Variants in RARB observed in about 807,000 individuals in gnomAD.
RARB encodes the protein HBV-activated protein.
A neutral mutation model predicts 51.9 loss-of-function variants in RARB; 17 were observed. The ratio of observed to expected loss-of-function variants is 0.33; its 90% CI spans 0.22 to 0.49. RARB has a LOEUF of 0.49. RARB is among the 20% of genes least tolerant of loss of function. The probability of loss-of-function intolerance (pLI) is 0.99; values close to 1 mark genes in which losing one functional copy is unlikely to be tolerated. For missense variants in RARB, 369 were observed against 550.8 expected (o/e 0.67, Z 3.30); for synonymous variants, 215 against 195.4 (o/e 1.10, Z -0.84).
intron 5 of RARB, among the ~76,000 whole-genome samples, chr3:25,201,376 A>G (rs896829998): frequency 6.6e-6 from 1 of 152,174 alleles, no homozygotes; most frequent in Non-Finnish European, 1.5e-5. Flanking sequence ...TCATCTGCAA[A>G]CAGGGACAAT....
chr3:25,514,700 T>G (rs2125624931), intron 3 of RARB, among the ~76,000 whole-genome samples: 1 of 152,322 alleles, frequency 6.6e-6, no homozygotes, highest in East Asian at 1.9e-4. Flanking sequence ...AAAATAAAAC[T>G]GAGGAACTTA....
intron 1 of RARB, among the ~76,000 whole-genome samples, chr3:25,450,486 C>A (rs1192875116): frequency 6.6e-6 from 1 of 152,158 alleles, no homozygotes; most frequent in East Asian, 1.9e-4. Context: ...CATTGTAGGA[C>A]TCTGCAGTTT....
At chr3:24,974,788 A>C (rs1421041910) in intron 2 of RARB, among the ~76,000 whole-genome samples, 1 of 152,190 alleles carries the variant, frequency 6.6e-6, no homozygotes, top group Non-Finnish European at 1.5e-5. Flanking sequence ...AGTATAAGGA[A>C]CACTCTCAAC....
chr3:25,241,911 A>T lies in RARB; in HGVS notation c.178+67336A>T, dbSNP rs139320699. ...CATTGTCTTCCACAATGGTTGAACT[A>T]ATTTACACTCCCACCAACAGTGTAA... On this transcript the variant is annotated intron_variant, in intron 5 of 11. Coordinates refer to the RARB transcript ENST00000383772. Among the ~76,000 whole-genome samples the T allele has an allele frequency of 1.9e-3, 286 of 152,332 alleles. 1 individual carries two copies. Among genetic ancestry groups the T allele is most frequent in the African/African-American group, 6.8e-3 (282 of 41,580 alleles).
intron 5 of RARB, among the ~76,000 whole-genome samples, chr3:25,373,919 A>G (rs1251184082): frequency 1.3e-5 from 2 of 152,202 alleles, no homozygotes; most frequent in Non-Finnish European, 2.9e-5. Context: ...GAGAAGCCAG[A>G]GCAGTGTCTG....
intron 2 of RARB, among the ~76,000 whole-genome samples, chr3:25,016,804 C>G (rs1183250008): frequency 6.6e-6 from 1 of 152,052 alleles, no homozygotes; most frequent in Non-Finnish European, 1.5e-5. Flanking sequence ...GAACTCCTAT[C>G]CTGTGCCCTC....
At chr3:25,534,182 A>T (rs1699041434) in intron 3 of RARB, among the ~76,000 whole-genome samples, 1 of 152,216 alleles carries the variant, frequency 6.6e-6, no homozygotes, top group African/African-American at 2.4e-5. Context: ...AGTCCATGTT[A>T]GCTGAAAACC....
chr3:25,210,462 C>T (rs1307985776), intron 5 of RARB, among the ~76,000 whole-genome samples: 1 of 149,684 alleles, frequency 6.7e-6, no homozygotes, highest in African/African-American at 2.4e-5. Context: ...TGGGTGTTTT[C>T]TCACCACAGG....
intron 3 of RARB, among the ~76,000 whole-genome samples, chr3:25,548,766 A>C (rs1040348311): frequency 6.6e-6 from 1 of 152,066 alleles, no homozygotes; most frequent in African/African-American, 2.4e-5. Context: ...TTTCTCTAGT[A>C]ATTGCTGCTT....
At chr3:25,326,908 A>G (rs912168651) in intron 5 of RARB, among the ~76,000 whole-genome samples, 7 of 152,074 alleles carry the variant, frequency 4.6e-5, no homozygotes, top group African/African-American at 1.4e-4. Flanking sequence ...TTACATACGT[A>G]TACATGTGCC....
chr3:24,900,646 T>C (rs2125371198), intron 2 of RARB, among the ~76,000 whole-genome samples: 1 of 152,332 alleles, frequency 6.6e-6, no homozygotes. Context: ...AAAAATGTTG[T>C]TTGAAAACTG....
chr3:25,117,461 C>G (rs567288737), intron 3 of RARB, among the ~76,000 whole-genome samples: 2 of 152,154 alleles, frequency 1.3e-5, no homozygotes, highest in Non-Finnish European at 2.9e-5. Context: ...AGCACTCATT[C>G]CAATTTACCA....
intron 2 of RARB, among the ~76,000 whole-genome samples, chr3:25,027,238 G>T (rs1697768119): frequency 6.7e-6 from 1 of 150,010 alleles, no homozygotes; most frequent in Non-Finnish European, 1.5e-5. Context: ...ATAAGAGAAG[G>T]ATGGAGAGTT....
rs151074342 is a variant in RARB at position 25,182,821 on chromosome 3, A to G, written c.178+8246A>G. Among the ~76,000 whole-genome samples the G allele has an allele frequency of 2.2e-3, 333 of 152,336 alleles. 1 individual carries two copies. Among genetic ancestry groups the G allele is most frequent in the African/African-American group, 7.8e-3 (323 of 41,588 alleles). On this transcript the variant is annotated intron_variant, in intron 5 of 11. Transcript: ENST00000383772. ...CCTTATTTGGAAATAGGATTAAGTT[A>G]AGATGAGGTTATTAGGGTGAGCCCT... is the stretch of plus-strand genomic sequence containing the variant.
At chr3:25,505,352 C>T (rs1003481615) in intron 3 of RARB, among the ~76,000 whole-genome samples, 1 of 152,136 alleles carries the variant, frequency 6.6e-6, no homozygotes, top group African/African-American at 2.4e-5. Flanking sequence ...TTCCTTTTTC[C>T]ACTCTATTTT....
chr3:24,877,173 A>G (rs1329385809), intron 2 of RARB, among the ~76,000 whole-genome samples: 2 of 152,010 alleles, frequency 1.3e-5, no homozygotes, highest in Non-Finnish European at 2.9e-5. Flanking sequence ...TATTGTTTCA[A>G]CTTAGCTGGG....
At chr3:25,162,822 T>G (rs1700494206) in intron 4 of RARB, among the ~76,000 whole-genome samples, 2 of 152,248 alleles carry the variant, frequency 1.3e-5, no homozygotes, top group African/African-American at 4.8e-5. Context: ...TATTCATCAA[T>G]TAATGGACAC....
intron 5 of RARB, among the ~76,000 whole-genome samples, chr3:25,217,304 T>C (rs1376797824): frequency 6.6e-6 from 1 of 152,128 alleles, no homozygotes; most frequent in Non-Finnish European, 1.5e-5. Flanking sequence ...AAGGTGGCCA[T>C]TTTATTATTT....
chr3:25,518,541 G>A (rs1172781866), intron 3 of RARB, among the ~76,000 whole-genome samples: 1 of 152,076 alleles, frequency 6.6e-6, no homozygotes, highest in Non-Finnish European at 1.5e-5. Context: ...AAATAAAAAG[G>A]CATGCAAAAG....
Sources: gnomAD v4.1 joint callset for allele counts (sites outside exome capture counted in the v4.1 genomes callset) on GRCh38, gnomAD v4.1.1 for gene constraint, MANE v1.5 for transcripts, NCBI Gene and HGNC (gene_info 2026-07-23, HGNC 2026-07-21) for gene names.